Variants in NSUN5 observed in about 807,000 individuals in gnomAD.
NSUN5 encodes the protein NOP2/Sun RNA methyltransferase 5.
In NSUN5, 39 loss-of-function variants were observed where a neutral mutation model predicts 51.1. The observed-to-expected ratio is 0.76, with a 90% CI of 0.59 to 1.00. NSUN5 has a LOEUF of 1.00. NSUN5 is among the 50% of genes least tolerant of loss of function. NSUN5 has a pLI of 0.00. For synonymous variants in NSUN5, 266 were observed against 271.5 expected (o/e 0.98, Z 0.20); for missense variants, 526 against 614.0 (o/e 0.86, Z 1.51).
chr7:73,308,513 C>T lies in NSUN5; in HGVS notation c.134G>A (p.Arg45His), dbSNP rs1362867416. 2 of 1,604,216 alleles carry T rather than the reference C, an allele frequency of 1.2e-6. No individual in the cohort carries two copies. The highest frequency in any genetic ancestry group is 2.7e-5 in the African/African-American group (2 of 74,750). ...CACAGCATCCAGCACGGCGGAGTAG[C>T]GCTGCGTTTCGCACACCAGCGCGTA... The part of the protein sequence containing the change: ...QLYALVCETQ[R>H]YSAVLDAVIA... Residue 45 changes from arginine to histidine, a missense_variant, in exon 2 of 10, where the codon CGC becomes CAC. By Grantham distance (29) the Arg-to-His change is conservative (BLOSUM62 0). Coordinates refer to ENST00000438747, the MANE Select transcript of NSUN5 (RefSeq NM_148956.4).
intron 7 of NSUN5, 89 bp downstream of exon 7, chr7:73,304,141 G>A (rs575467024): frequency 1.3e-6 from 2 of 1,554,836 alleles, no homozygotes; most frequent in Admixed American, 1.8e-5. Context: ...AAGCCCATTA[G>A]TGTCAGAAGT....
At chr7:73,304,574 A>G in intron 6 of NSUN5, 166 bp from the exon 7 acceptor site, 1 of 836,660 alleles carries the variant, frequency 1.2e-6, no homozygotes, top group Non-Finnish European at 1.9e-6. Context: ...CCAAGGGCTA[A>G]GGGATCCACA....
intron 2 of NSUN5, 91 bp from the exon 3 acceptor site, chr7:73,307,848 G>A (rs1324904142): frequency 1.7e-6 from 2 of 1,168,468 alleles, no homozygotes; most frequent in Non-Finnish European, 1.2e-6. Flanking sequence ...CCCCGGCAAT[G>A]GAATGGCTAA....
At chr7:73,308,596 C>T (rs1554542331) in intron 1 of NSUN5, 43 bp from the exon 2 acceptor site, 1 of 1,587,594 alleles carries the variant, frequency 6.3e-7, no homozygotes, top group Non-Finnish European at 8.6e-7. Context: ...GCTCCCCCGG[C>T]CCTCCTCGCC....
intron 4 of NSUN5, among the ~76,000 whole-genome samples, chr7:73,305,755 A>C (rs1435827168): frequency 2.5e-4 from 38 of 152,156 alleles, no homozygotes; most frequent in Non-Finnish European, 5.6e-4. Flanking sequence ...ACCCATGCAG[A>C]AATAGGCCTA....
At chr7:73,305,462 CTTTT>C (rs782168515) in intron 4 of NSUN5, among the ~76,000 whole-genome samples, 1 of 132,122 alleles carries the variant, frequency 7.6e-6, no homozygotes, top group Non-Finnish European at 1.6e-5. Flanking sequence ...AAAAAGTTTA[CTTTT>C]TTTTTTTTTT....
chr7:73,307,474 C>A lies in NSUN5; in HGVS notation c.420G>T (p.Val140=). The A allele has an allele frequency of 6.2e-7, 1 of 1,614,142 alleles. No individual in the cohort carries two copies. Among genetic ancestry groups the A allele is most frequent in the East Asian group, 2.2e-5 (1 of 44,874 alleles). Residue 140 remains valine, a synonymous_variant, in exon 4 of 10, where the codon GTG becomes GTT. Transcript: ENST00000438747. ...CATCGGAGCAGGTCTTGAGAGTGTT[C>A]ACACGCACAAATCGAGGCAGCTGGG... ...PASQLPRFVR[V]NTLKTCSDDV...
chr7:73,303,126 A>C lies in NSUN5; in HGVS notation c.*289T>G. 7.0e-7 allele frequency: 1 copy of C among 1,434,266 alleles called. No homozygotes were observed. Among genetic ancestry groups the C allele is most frequent in the Admixed American group, 2.9e-5 (1 of 34,920 alleles). 88.8% of individuals were successfully genotyped at this position (1,434,266 alleles called of 1,614,324 possible). ...GCGGGAGGCTGGGACTTTCCATTAC[A>C]AATAGAGACTTCATTCCTGTTGAGT... On this transcript the variant is annotated 3_prime_UTR_variant, in exon 10 of 10. Transcript: ENST00000438747.
Position 73,308,417 on chromosome 7 carries a change from T to C in NSUN5, c.216+14A>G. 6.3e-7 allele frequency: 1 copy of C among 1,584,564 alleles called. No homozygotes were observed. Among genetic ancestry groups the C allele is most frequent in the African/African-American group, 1.3e-5 (1 of 74,380 alleles). On this transcript the variant is annotated intron_variant, in intron 2 of 9. Transcript: ENST00000438747. The stretch of plus-strand genomic sequence containing the variant: ...CCGTCGGGGTTCACTTCCCCGTCCC[T>C]CCCCTCCCCTCACCTTGGCCAGGTG...
rs1196661432 is a variant in NSUN5, at chr7:73,303,634, A to G, written c.1252T>C (p.Phe418Leu). 6.2e-7 allele frequency: 1 copy of G among 1,614,048 alleles called. No individual in the cohort carries two copies. Among genetic ancestry groups the G allele is most frequent in the African/African-American group, 1.3e-5 (1 of 74,926 alleles). ...SPETTLSSGF[F>L]VAVIERVEVP... is the part of the protein sequence containing the mutation. ...TCGACCCGTTCAATTACAGCAACGA[A>G]GAAGCCACTGCTGAGTGTGGTCTCA... The change falls in exon 9 of 10, where the codon TTC (phenylalanine) becomes CTC (leucine). Residue 418 changes from phenylalanine to leucine, a missense_variant. Physicochemically the swap from Phe to Leu is conservative, Grantham distance 22. Coordinates refer to ENST00000438747, the MANE Select transcript of NSUN5 (RefSeq NM_148956.4).
rs782802019 is a variant in NSUN5 at position 73,305,057 on chromosome 7, G to A, written c.541C>T (p.Leu181=). 1 of 1,609,986 alleles carries A rather than the reference G, an allele frequency of 6.2e-7. No homozygotes were observed. Among genetic ancestry groups the A allele is most frequent in the Admixed American group, 1.7e-5 (1 of 59,714 alleles). ...LRALKGKHFL[L]DPLMPELLVF... is the part of the protein sequence containing the mutation. ...AGCAGCTCCGGCATCAAGGGGTCCA[G>A]GAGAAAATGCTTCCCCTTGAGGGCT... Residue 181 remains leucine (L), a synonymous_variant, in exon 5 of 10, where the codon CTG becomes TTG. Coordinates refer to ENST00000438747, the MANE Select transcript of NSUN5 (RefSeq NM_148956.4).
intron 7 of NSUN5, 92 bp from the exon 8 acceptor site, chr7:73,304,128 C>G (rs1418104958): frequency 3.2e-6 from 5 of 1,565,578 alleles, no homozygotes; most frequent in Admixed American, 1.8e-5. Context: ...GTCCCAGGGT[C>G]CCAAGCCCAT....
In NSUN5 at chr7:73,303,230, A is replaced by G; in HGVS notation, c.*185T>C. 6.4e-7 allele frequency: 1 copy of G among 1,571,412 alleles called. No individual in the cohort carries two copies. Among genetic ancestry groups the G allele is most frequent in the Non-Finnish European group, 8.6e-7 (1 of 1,158,584 alleles). ...AGAATAAAAAACTGTGATCTATCGT[A>G]GAGTACGTTCTGCATTTTATTTTTG... On this transcript the variant is annotated 3_prime_UTR_variant, in exon 10 of 10. Coordinates refer to ENST00000438747, the MANE Select transcript of NSUN5 (RefSeq NM_148956.4).
In NSUN5 at chr7:73,303,834, G is replaced by A. The variant is rs62000387; in HGVS notation, c.1137C>T (p.Gly379=). 8.5e-4 allele frequency: 1,379 copies of A among 1,613,782 alleles called. 4 individuals carry two copies. In the African/African-American group the frequency reaches 0.016, roughly 19 times the overall value. Residue 379 remains glycine, a synonymous_variant, in exon 8 of 10, where the codon GGC becomes GGT. Transcript: ENST00000438747. ...TGGCGCCCGCCCTGTACCTGAAGGC[G>A]CCCGGGTTCTGCTGCAGCGCATCTC... The part of the protein sequence containing the change: ...VVRDALQQNP[G]AFRLAPALPA...
rs573175425 is a variant in NSUN5 at position 73,304,828 on chromosome 7, G to T, written c.674C>A (p.Pro225Gln). 4.3e-6 allele frequency: 7 copies of T among 1,613,606 alleles called. No homozygotes were observed. The African/African-American group carries it at 5.3e-5, about 12-fold the overall frequency. The stretch of plus-strand genomic sequence containing the variant: ...GGCATCGATGACATGGGAGCCTGGC[G>T]GGGGGTCCAGCAGCATGGCTGGGAG... ...SCLPAMLLDP[P>Q]PGSHVIDACA... Residue 225 changes from proline (P) to glutamine (Q), a missense_variant, in exon 6 of 10, where the codon CCG (proline) becomes CAG (glutamine). By Grantham distance (76) the Pro-to-Gln change is moderately conservative (BLOSUM62 -1). Coordinates refer to ENST00000438747, the MANE Select transcript of NSUN5 (RefSeq NM_148956.4).
At chr7:73,306,019 A>G (rs1804024197) in intron 4 of NSUN5, among the ~76,000 whole-genome samples, 1 of 152,194 alleles carries the variant, frequency 6.6e-6, no homozygotes. Flanking sequence ...TTGCTGGCAC[A>G]CTGGTGCACG....
chr7:73,303,452 C>G lies in NSUN5; in HGVS notation c.1364G>C (p.Arg455Thr). 1 of 1,614,220 alleles carries G rather than the reference C, an allele frequency of 6.2e-7. No homozygotes were observed. Among genetic ancestry groups the G allele is most frequent in the Non-Finnish European group, 8.5e-7 (1 of 1,180,048 alleles). ...PAPKRKKRQQRAAAGACTPPC... is the reference protein window; with the variant it reads ...PAPKRKKRQQTAAAGACTPPC... ...CGGTGTGCAAGCACCGGCTGCGGCT[C>G]TTTGCTGTCTCTTCTTTCTCTTTGG... The change falls in exon 10 of 10, where the codon AGA (arginine) becomes ACA (threonine). Residue 455 changes from arginine to threonine, a missense_variant. Transcript: ENST00000438747.
rs1554542089 is a variant in NSUN5 at position 73,307,639 on chromosome 7, T to C, written c.335A>G (p.His112Arg). 4 of 1,582,982 alleles carry C rather than the reference T, an allele frequency of 2.5e-6. No homozygotes were observed. The highest frequency in any genetic ancestry group is 3.4e-6 in the Non-Finnish European group (4 of 1,165,652). The change falls in exon 3 of 10, where the codon CAT (histidine) becomes CGT (arginine). Residue 112 changes from histidine (H) to arginine (R), a missense_variant. By Grantham distance (29) the His-to-Arg change is conservative. Transcript: ENST00000438747. Reference sequence around the variant, plus strand: ...GTCCTCATTCCGGCTCACACCCCGATGAACCTTGAGCCGAGCCAACTCAGC... The same window carrying C: ...GTCCTCATTCCGGCTCACACCCCGACGAACCTTGAGCCGAGCCAACTCAGC... ...LKAELARLKV[H>R]RGVSRNEDLL...
chr7:73,305,022 G>A lies in NSUN5; in HGVS notation c.576C>T (p.Pro192=), dbSNP rs35747107. 0.06 allele frequency: 97,088 copies of A among 1,610,558 alleles called. 3,312 individuals carry two copies. The highest frequency in any genetic ancestry group is 0.068 in the Non-Finnish European group (80,353 of 1,177,410). The change falls in exon 5 of 10, where the codon CCC becomes CCT. Residue 192 remains proline (P), a synonymous_variant. Coordinates refer to ENST00000438747, the MANE Select transcript of NSUN5 (RefSeq NM_148956.4). The part of the protein sequence containing the change: ...DPLMPELLVF[P]AQTDLHEHPL... The stretch of plus-strand genomic sequence containing the variant: ...GGTGTTCATGCAGATCTGTCTGGGC[G>A]GGAAACACCAGCAGCTCCGGCATCA...
Sources: gnomAD v4.1 joint callset for allele counts (sites outside exome capture counted in the v4.1 genomes callset) on GRCh38, gnomAD v4.1.1 for gene constraint, MANE v1.5 for transcripts, NCBI Gene and HGNC (gene_info 2026-07-23, HGNC 2026-07-21) for gene names.